The following NCKAP5 variants were observed in gnomAD, a reference collection of about 807,000 sequenced individuals.
The protein encoded by NCKAP5 is nck-associated protein 5.
NCKAP5 carries 92 observed loss-of-function variants against 167.0 expected under a neutral mutation model. The observed-to-expected ratio is 0.55, with a 90% CI of 0.47 to 0.66. The LOEUF (loss-of-function observed/expected upper bound fraction) is 0.66. Among genes scored for constraint, NCKAP5 ranks in the 30% least tolerant of loss-of-function variants. NCKAP5 has a pLI of 0.00. For synonymous variants in NCKAP5, 891 were observed against 877.4 expected, an observed-to-expected ratio of 1.02 and a Z score of -0.27; for missense variants, 2,378 against 2,315.0, an observed-to-expected ratio of 1.03 and a Z score of -0.56.
chr2:133,071,289 C>CA (rs1486729173), intron 6 of NCKAP5, among the ~76,000 whole-genome samples: 11 of 152,054 alleles, frequency 7.2e-5, no homozygotes, highest in Admixed American at 3.9e-4. Flanking sequence ...ACTAAAAATA[C>CA]AAAAAATTAG....
chr2:132,786,130 A>G (rs1417260284), intron 13 of NCKAP5, among the ~76,000 whole-genome samples: 1 of 152,184 alleles, frequency 6.6e-6, no homozygotes, highest in African/African-American at 2.4e-5. Flanking sequence ...TTTTTCTTTT[A>G]AACTTACCTA....
At chr2:133,139,282 A>G (rs1473228258) in intron 5 of NCKAP5, among the ~76,000 whole-genome samples, 1 of 152,252 alleles carries the variant, frequency 6.6e-6, no homozygotes, top group Non-Finnish European at 1.5e-5. Flanking sequence ...CAGGAAAAGC[A>G]TAAGCAATTA....
chr2:133,192,329 A>AT (rs1203306548), intron 5 of NCKAP5, among the ~76,000 whole-genome samples: 1 of 152,136 alleles, frequency 6.6e-6, no homozygotes, highest in African/African-American at 2.4e-5. Context: ...ATAGGAGAAA[A>AT]TTGTTGAGAA....
chr2:132,770,423 A>AGT (rs1267233564), intron 16 of NCKAP5, among the ~76,000 whole-genome samples: 1 of 148,030 alleles, frequency 6.8e-6, no homozygotes, highest in African/African-American at 2.4e-5. Flanking sequence ...ATAATAATAT[A>AGT]GTATATATAT....
intron 7 of NCKAP5, among the ~76,000 whole-genome samples, chr2:132,992,000 C>T (rs1489624979): frequency 1.3e-5 from 2 of 152,214 alleles, no homozygotes; most frequent in Non-Finnish European, 2.9e-5. Flanking sequence ...ATCACCTGCC[C>T]TTCTCTCTTT....
intron 3 of NCKAP5, among the ~76,000 whole-genome samples, chr2:133,445,920 G>C (rs1691162814): frequency 1.3e-5 from 2 of 152,174 alleles, no homozygotes; most frequent in African/African-American, 4.8e-5. Flanking sequence ...CTGGACCAAG[G>C]GATTTAGACA....
intron 16 of NCKAP5, among the ~76,000 whole-genome samples, chr2:132,770,385 A>G (rs1681926007): frequency 6.8e-6 from 1 of 148,110 alleles, no homozygotes. Context: ...TATATTATAT[A>G]TTATAAATTG....
At chr2:132,918,116 A>C (rs1444965320) in intron 8 of NCKAP5, among the ~76,000 whole-genome samples, 1 of 152,154 alleles carries the variant, frequency 6.6e-6, no homozygotes, top group Non-Finnish European at 1.5e-5. Flanking sequence ...GCATGTAAAA[A>C]CCCATGGGTT....
chr2:133,365,524 TACACACACAC>T (rs3083042), intron 3 of NCKAP5, among the ~76,000 whole-genome samples: 1 of 149,214 alleles, frequency 6.7e-6, no homozygotes. Context: ...ATACTTAGCC[TACACACACAC>T]ACACACACAC....
At chr2:133,593,407 T>C in the NCKAP5 span, among the ~76,000 whole-genome samples, 1 of 150,954 alleles carries the variant, frequency 6.6e-6, no homozygotes, top group Admixed American at 6.6e-5. Context: ...CTTGGACCAA[T>C]GGTGTCTTCT....
chr2:132,673,321 G>T lies in NCKAP5; in HGVS notation c.5714-16C>A, dbSNP rs749276804. On this transcript the variant is annotated splice_polypyrimidine_tract_variant and intron_variant, in intron 19 of 19. Transcript: ENST00000409261. ...GTCTCAATTTCTGCAATAAAAAGAA[G>T]AAAATATTAGAAACATATTTCTTTG... The T allele has an allele frequency of 2.8e-6, 4 of 1,410,018 alleles. No individual in the cohort carries two copies. The South Asian group carries it at 4.0e-5, about 14-fold the overall frequency. The allele number at this position is 1,410,018 out of a possible 1,614,324, so 87.3% of individuals were successfully genotyped here. A position where few individuals can be genotyped will look rare whatever the true frequency, so the allele number is the denominator to read the frequency against.
At chr2:132,740,815 A>C (rs1299736886) in intron 16 of NCKAP5, among the ~76,000 whole-genome samples, 3 of 152,130 alleles carry the variant, frequency 2.0e-5, no homozygotes, top group Admixed American at 2.0e-4. Flanking sequence ...ATAGGGGATG[A>C]ATATTTTTAA....
At chr2:133,632,067 G>C in the NCKAP5 span, among the ~76,000 whole-genome samples, 1 of 152,224 alleles carries the variant, frequency 6.6e-6, no homozygotes, top group Admixed American at 6.5e-5. Flanking sequence ...GCTGTCCCAA[G>C]GATTGGAGTG....
intron 8 of NCKAP5, among the ~76,000 whole-genome samples, chr2:132,924,077 C>A (rs1258510356): frequency 6.6e-6 from 1 of 152,218 alleles, no homozygotes; most frequent in Non-Finnish European, 1.5e-5. Context: ...CAAGTGGTCA[C>A]AGTGCCCAGA....
chr2:133,177,035 A>G (rs1019013904), intron 5 of NCKAP5, among the ~76,000 whole-genome samples: 1 of 152,050 alleles, frequency 6.6e-6, no homozygotes, highest in Admixed American at 6.6e-5. Flanking sequence ...TGAAGCCCAA[A>G]AAGTCTCATG....
In NCKAP5 at chr2:133,330,694, G is replaced by A. The variant is rs1243303791; in HGVS notation, c.70-27584C>T. ...ACTTGAAGCCAGGAGTTCAAGATCA[G>A]CCTGGGCAACATAGCAAGACCCTGT... On this transcript the variant is annotated intron_variant, in intron 3 of 19. Transcript: ENST00000409261. Among the ~76,000 whole-genome samples the A allele has an allele frequency of 2.0e-5, 3 of 151,998 alleles. No individual in the cohort carries two copies. In the East Asian group the frequency reaches 5.8e-4, roughly 29 times the overall value.
intron 6 of NCKAP5, among the ~76,000 whole-genome samples, chr2:133,000,956 T>C (rs1474237024): frequency 1.3e-5 from 2 of 152,144 alleles, no homozygotes; most frequent in African/African-American, 4.8e-5. Context: ...AATTTAAGAA[T>C]AGCAATTGCC....
At chr2:133,570,594 C>T (rs374823348), upstream of NCKAP5, among the ~76,000 whole-genome samples, 4 of 152,320 alleles carry the variant, frequency 2.6e-5, no homozygotes, top group Admixed American at 1.3e-4. Flanking sequence ...ACTCTGTCCA[C>T]CTTCAGAAAT....
chr2:133,626,261 G>A, the NCKAP5 span, among the ~76,000 whole-genome samples: 1 of 152,112 alleles, frequency 6.6e-6, no homozygotes, highest in African/African-American at 2.4e-5. Context: ...ATGGAAATGT[G>A]TAATATCATC....
Sources: allele counts gnomAD v4.1 joint callset (sites outside exome capture counted in the v4.1 genomes callset), GRCh38; gene constraint gnomAD v4.1.1; transcripts MANE v1.5; gene names NCBI Gene and HGNC (gene_info 2026-07-23, HGNC 2026-07-21).